The following ZNF487 variants were observed in gnomAD, a reference collection of about 807,000 sequenced individuals.
The protein encoded by ZNF487 is KRAB domain only 1.
ZNF487 carries 4 observed loss-of-function variants against 3.0 expected under a neutral mutation model. The ratio of observed to expected loss-of-function variants is 1.35; its 90% confidence interval spans 0.66 to 3.08. The LOEUF (loss-of-function observed/expected upper bound fraction) is 3.08, where lower values mean the gene tolerates loss of function less well. Ranked by LOEUF, ZNF487 falls within the 30% of genes most tolerant of loss-of-function variation. The pLI, the probability that ZNF487 is intolerant of heterozygous loss-of-function variation, is 0.01. For synonymous variants in ZNF487, 55 were observed against 34.6 expected (o/e 1.59, Z -2.06); for missense variants, 146 against 98.7 (o/e 1.48, Z -2.03).
intron 1 of ZNF487, among the ~76,000 whole-genome samples, 191 bp downstream of exon 1, chr10:43,437,453 G>A (rs2132020736): frequency 6.6e-6 from 1 of 152,214 alleles, no homozygotes; most frequent in South Asian, 2.1e-4. Flanking sequence ...CTAGAGAAGC[G>A]AGACAAGGGC....
At chr10:43,462,791 TA>T (rs1589037321) in intron 1 of ZNF487, among the ~76,000 whole-genome samples, 1 of 142,698 alleles carries the variant, frequency 7.0e-6, no homozygotes, top group South Asian at 2.3e-4. Flanking sequence ...TAAATAGAGA[TA>T]GGGGTCTCAT....
chr10:43,490,949 C>A, the ZNF487 span, among the ~76,000 whole-genome samples: 1 of 149,564 alleles, frequency 6.7e-6, no homozygotes, highest in South Asian at 2.1e-4. Context: ...GCTGGGATTA[C>A]AGGCATGAGC....
chr10:43,501,749 A>T, the ZNF487 span, among the ~76,000 whole-genome samples: 7 of 149,550 alleles, frequency 4.7e-5, no homozygotes, highest in Non-Finnish European at 1.0e-4. Context: ...CTCAAAAAAA[A>T]ACAAAAACAA....
At chr10:43,439,386 C>T (rs1274509961) in intron 1 of ZNF487, among the ~76,000 whole-genome samples, 1 of 151,686 alleles carries the variant, frequency 6.6e-6, no homozygotes, top group African/African-American at 2.4e-5. Context: ...AGTGACAGAG[C>T]AAGACTCCAT....
chr10:43,481,727 G>A lies in ZNF487; in HGVS notation c.429G>A (p.Glu143=). The change falls in exon 4 of 4, where the codon GAG becomes GAA. Residue 143 remains glutamate (E), a synonymous_variant. Transcript: ENST00000437590. ...RGKFLLCMKR[E]NPYARGKPLE... is the part of the protein sequence containing the mutation. ...AATTTCTCCTCTGTATGAAGCGTGA[G>A]AATCCTTATGCCAGAGGGAAACCTT... The A allele has an allele frequency of 1.4e-6, 1 of 716,556 alleles. No homozygotes were observed. Among genetic ancestry groups the A allele is most frequent in the East Asian group, 2.7e-5 (1 of 37,280 alleles). The allele number at this position is 716,556 out of a possible 1,614,324, so 44.4% of individuals were successfully genotyped here.
intron 1 of ZNF487, among the ~76,000 whole-genome samples, chr10:43,465,460 C>G (rs542832803): frequency 3.3e-5 from 5 of 151,370 alleles, no homozygotes; most frequent in African/African-American, 1.2e-4. Context: ...AGGGTCTCCT[C>G]GCTTCTCAGA....
chr10:43,459,981 T>A (rs1270031243), intron 1 of ZNF487, among the ~76,000 whole-genome samples: 1 of 151,642 alleles, frequency 6.6e-6, no homozygotes, highest in Non-Finnish European at 1.5e-5. Flanking sequence ...TTTTGTATTT[T>A]TAGTTAGAGA....
intron 1 of ZNF487, among the ~76,000 whole-genome samples, chr10:43,455,862 G>A (rs1293854756): frequency 6.6e-6 from 1 of 152,244 alleles, no homozygotes; most frequent in Non-Finnish European, 1.5e-5. Flanking sequence ...CCCTAGTGGG[G>A]ACTACGGGGA....
chr10:43,504,293 C>CT, the ZNF487 span, among the ~76,000 whole-genome samples: 36,719 of 108,588 alleles, frequency 0.34, 7,518 homozygotes, highest in East Asian at 0.38. Context: ...TTCTTTCTTT[C>CT]TTTTTTTTTT....
chr10:43,453,704 T>C (rs1434225355), intron 1 of ZNF487: 1 of 152,204 alleles, frequency 6.6e-6, no homozygotes, highest in Non-Finnish European at 1.5e-5. Flanking sequence ...TGGTTACTGA[T>C]CATGACATGC....
chr10:43,463,116 C>T lies in ZNF487; in HGVS notation c.-93-12605C>T, dbSNP rs531737782. The stretch of plus-strand genomic sequence containing the variant: ...GGGTGAGGTGGTACATGCCTGTAAT[C>T]CCAGCTGCTCGGGAGGCTGTGGCAG... On this transcript the variant is annotated intron_variant, in intron 1 of 3. Transcript: ENST00000437590. Among the ~76,000 whole-genome samples the T allele has an allele frequency of 4.0e-5, 6 of 151,846 alleles. No individual in the cohort carries two copies. The South Asian group carries it at 1.2e-3, about 32-fold the overall frequency.
chr10:43,522,486 C>A, the ZNF487 span, among the ~76,000 whole-genome samples: 1 of 152,198 alleles, frequency 6.6e-6, no homozygotes, highest in Admixed American at 6.5e-5. Context: ...GTAATCTCTG[C>A]ACTTTGAGAG....
At chr10:43,523,082 C>T in the ZNF487 span, among the ~76,000 whole-genome samples, 3 of 152,064 alleles carry the variant, frequency 2.0e-5, no homozygotes, top group Admixed American at 6.6e-5. Context: ...TTTTCATATT[C>T]AGTTTGTTTT....
the ZNF487 span, among the ~76,000 whole-genome samples, chr10:43,516,553 GCTGT>G: frequency 6.6e-6 from 1 of 152,132 alleles, no homozygotes; most frequent in Non-Finnish European, 1.5e-5. Flanking sequence ...CCCACAACAG[GCTGT>G]CTGCATGCTG....
chr10:43,493,433 AC>A, the ZNF487 span, among the ~76,000 whole-genome samples: 1 of 150,538 alleles, frequency 6.6e-6, no homozygotes, highest in African/African-American at 2.4e-5. Context: ...GATGGCTCAC[AC>A]CTGTAATCCC....
At chr10:43,521,633 C>G in the ZNF487 span, among the ~76,000 whole-genome samples, 10 of 151,998 alleles carry the variant, frequency 6.6e-5, no homozygotes, top group Non-Finnish European at 1.5e-4. Context: ...AATGAAAGCA[C>G]CAAGAGTCTT....
At chr10:43,519,469 G>GT in the ZNF487 span, among the ~76,000 whole-genome samples, 1,456 of 140,158 alleles carry the variant, frequency 0.01, 7 homozygotes, top group African/African-American at 0.02. Flanking sequence ...TAAAATGTAA[G>GT]TTTTTTTTTT....
At chr10:43,522,561 C>T in the ZNF487 span, among the ~76,000 whole-genome samples, 325 of 152,098 alleles carry the variant, frequency 2.1e-3, no homozygotes, top group African/African-American at 7.7e-3. Context: ...TGGCGAAACC[C>T]TGTCTCTACT....
At chr10:43,458,059 A>AAC (rs1180946109) in intron 1 of ZNF487, 13 of 150,544 alleles carry the variant, frequency 8.6e-5, no homozygotes, top group Non-Finnish European at 1.5e-4. Flanking sequence ...AAACAAAACA[A>AAC]AAAAAAAGAG....
Sources: allele counts gnomAD v4.1 joint callset (sites outside exome capture counted in the v4.1 genomes callset), GRCh38; gene constraint gnomAD v4.1.1; transcripts MANE v1.5; gene names NCBI Gene and HGNC (gene_info 2026-07-23, HGNC 2026-07-21).